Variants in COPG2 observed in about 807,000 individuals in gnomAD.
The protein encoded by COPG2 is coatomer subunit gamma-2.
COPG2 carries 37 observed loss-of-function variants against 46.3 expected under a neutral mutation model. The ratio of observed to expected loss-of-function variants is 0.80; its 90% CI spans 0.61 to 1.05. COPG2 has a LOEUF of 1.05. Among genes scored for constraint, COPG2 ranks in the 50% least tolerant of loss-of-function variants. The probability of loss-of-function intolerance (pLI) is 0.00; values close to 1 mark genes in which losing one functional copy is unlikely to be tolerated. For synonymous variants in COPG2, 159 were observed against 129.7 expected (o/e 1.23, Z -1.53); for missense variants, 427 against 387.8 (o/e 1.10, Z -0.85).
rs374495041 is a variant in COPG2, at chr7:130,652,816, A to T, written c.323+53T>A. The T allele has an allele frequency of 2.1e-4, 237 of 1,145,644 alleles. 1 individual carries two copies. The African/African-American group carries it at 3.3e-3, about 16-fold the overall frequency. 71.0% of individuals were successfully genotyped at this position (1,145,644 alleles called of 1,614,324 possible). A position where few individuals can be genotyped will look rare whatever the true frequency, so the allele number is the denominator to read the frequency against. ...TGGTCAAAAAATGAAATCAACAGAA[A>T]GCAAACAGCAAATATATAAGTATCT... On this transcript the variant is annotated intron_variant, in intron 5 of 23. Transcript: ENST00000425248.
In COPG2 at chr7:130,644,452, A is replaced by G. The variant is rs553068624; in HGVS notation, c.323+8417T>C. Among the ~76,000 whole-genome samples, 68 of 152,328 alleles carry G rather than the reference A, an allele frequency of 4.5e-4. 1 individual carries two copies. Among genetic ancestry groups the G allele is most frequent in the South Asian group, 3.7e-3 (18 of 4,818 alleles). ...GAACAAATTCAGGTATGTCCGGTGA[A>G]GATAGGGCTGCTCAAATCAATTCAA... On this transcript the variant is annotated intron_variant, in intron 5 of 23. Coordinates refer to ENST00000425248, the MANE Select transcript of COPG2 (RefSeq NM_012133.6).
At chr7:130,551,064 T>C (rs1793529521) in intron 16 of COPG2, among the ~76,000 whole-genome samples, 177 bp downstream of exon 16, 1 of 151,476 alleles carries the variant, frequency 6.6e-6, no homozygotes, top group Non-Finnish European at 1.5e-5. Context: ...TGCATAGGAA[T>C]TATCATTACC....
intron 9 of COPG2, among the ~76,000 whole-genome samples, chr7:130,570,072 A>G (rs1793870263): frequency 6.6e-6 from 1 of 152,212 alleles, no homozygotes; most frequent in South Asian, 2.1e-4. Flanking sequence ...AATAAAAGCC[A>G]TCTAGGAGAA....
chr7:130,530,588 C>T (rs1433946279), intron 20 of COPG2, among the ~76,000 whole-genome samples: 3 of 152,242 alleles, frequency 2.0e-5, no homozygotes, highest in African/African-American at 7.2e-5. Flanking sequence ...GATGACTGAG[C>T]CCGATGAAGC....
At chr7:130,573,576 G>C (rs1793948512) in intron 9 of COPG2, among the ~76,000 whole-genome samples, 2 of 151,642 alleles carry the variant, frequency 1.3e-5, no homozygotes. Flanking sequence ...TAATATAAAG[G>C]ACAAAAACCA....
intron 9 of COPG2, among the ~76,000 whole-genome samples, chr7:130,606,305 G>GAAAGAAAGAGA (rs1161716663): frequency 4.0e-4 from 61 of 150,622 alleles, no homozygotes; most frequent in Non-Finnish European, 6.7e-4. Flanking sequence ...AGAAAGAAAA[G>GAAAGAAAGAGA]AAAGAAAGAG....
chr7:130,587,835 C>T (rs1554448244), intron 9 of COPG2, among the ~76,000 whole-genome samples: 2 of 152,108 alleles, frequency 1.3e-5, no homozygotes, highest in Non-Finnish European at 2.9e-5. Context: ...GCAAAAGAAA[C>T]CACCATCAGA....
intron 5 of COPG2, among the ~76,000 whole-genome samples, chr7:130,626,187 T>A (rs117948936): frequency 6.6e-6 from 1 of 152,154 alleles, no homozygotes; most frequent in Non-Finnish European, 1.5e-5. Flanking sequence ...CAGTGCTATA[T>A]AGTCTATAGA....
At chr7:130,521,417 G>A (rs1210098879) in intron 20 of COPG2, among the ~76,000 whole-genome samples, 3 of 152,278 alleles carry the variant, frequency 2.0e-5, no homozygotes, top group African/African-American at 4.8e-5. Flanking sequence ...AAGAAATACC[G>A]AAAGGGACTG....
At chr7:130,643,309 C>T (rs1218265087) in intron 5 of COPG2, among the ~76,000 whole-genome samples, 2 of 151,242 alleles carry the variant, frequency 1.3e-5, no homozygotes, top group East Asian at 3.9e-4. Flanking sequence ...AAAAAAAAAC[C>T]CACAAAAACT....
intron 9 of COPG2, among the ~76,000 whole-genome samples, chr7:130,599,334 G>A (rs1794589138): frequency 6.6e-6 from 1 of 152,144 alleles, no homozygotes. Context: ...TATGGCACTG[G>A]ATTTGACCTA....
intron 9 of COPG2, among the ~76,000 whole-genome samples, chr7:130,608,912 G>A (rs911195441): frequency 4.6e-5 from 7 of 151,890 alleles, no homozygotes; most frequent in East Asian, 1.9e-4. Context: ...TCTGTCACCC[G>A]GGTTGGAGTG....
rs1182017221 is a variant in COPG2, at chr7:130,512,052, TA to T, written c.2150-3394del. Among the ~76,000 whole-genome samples, 334 of 99,150 alleles carry T rather than the reference TA, an allele frequency of 3.4e-3. 1 individual carries two copies. The highest frequency in any genetic ancestry group is 0.023 in the Middle Eastern group (4 of 174). The allele number at this position is 99,150 out of a possible 152,430, so 65.0% of individuals were successfully genotyped here. ...CAACATGGTGAAACACTGTGTCTTCTAAAAAAAAAAAAAAAAAAAAAAAAAT... is the reference window on the plus strand; with the variant it reads ...CAACATGGTGAAACACTGTGTCTTCTAAAAAAAAAAAAAAAAAAAAAAAAT... On this transcript the variant is annotated intron_variant, in intron 20 of 23. Transcript: ENST00000425248.
At chr7:130,584,271 T>C (rs1554447703) in intron 9 of COPG2, among the ~76,000 whole-genome samples, 2 of 152,014 alleles carry the variant, frequency 1.3e-5, no homozygotes, top group African/African-American at 4.8e-5. Context: ...CCCTTTATGA[T>C]TAAAACTCTC....
intron 20 of COPG2, among the ~76,000 whole-genome samples, chr7:130,517,220 A>G (rs1799686777): frequency 6.6e-6 from 1 of 152,160 alleles, no homozygotes. Context: ...GTTATGATGG[A>G]ATAAGAAGGA....
chr7:130,558,411 G>A (rs987121583), intron 12 of COPG2, among the ~76,000 whole-genome samples: 93 of 152,286 alleles, frequency 6.1e-4, no homozygotes, highest in South Asian at 3.5e-3. Flanking sequence ...AAAGCTCCCT[G>A]AGGCTGCCCC....
chr7:130,655,888 A>T (rs1795842092), intron 4 of COPG2, among the ~76,000 whole-genome samples: 1 of 152,248 alleles, frequency 6.6e-6, no homozygotes, highest in Non-Finnish European at 1.5e-5. Flanking sequence ...TAAACAAAAC[A>T]GAAAAATGTT....
At chr7:130,558,167 A>C (rs888849515) in intron 12 of COPG2, among the ~76,000 whole-genome samples, 148 of 152,196 alleles carry the variant, frequency 9.7e-4, no homozygotes, top group African/African-American at 3.2e-3. Context: ...TGTGGTTTGG[A>C]TCTGTGCCCC....
At chr7:130,662,204 C>T (rs892948727) in intron 4 of COPG2, among the ~76,000 whole-genome samples, 2 of 152,154 alleles carry the variant, frequency 1.3e-5, no homozygotes, top group African/African-American at 4.8e-5. Context: ...AGCTGCCTTA[C>T]AGGGGACTGC....
Sources: allele counts gnomAD v4.1 joint callset (sites outside exome capture counted in the v4.1 genomes callset), GRCh38; gene constraint gnomAD v4.1.1; transcripts MANE v1.5; gene names NCBI Gene and HGNC (gene_info 2026-07-23, HGNC 2026-07-21).